The following PRIM2 variants were observed in gnomAD, a reference collection of about 807,000 sequenced individuals.
PRIM2 encodes DNA primase subunit 2.
In PRIM2, 39 loss-of-function variants were observed where a neutral mutation model predicts 67.3. That is an observed-to-expected ratio of 0.58 (90% confidence interval 0.45 to 0.76). The LOEUF (loss-of-function observed/expected upper bound fraction) is 0.76, where lower values mean the gene tolerates loss of function less well. Ranked by LOEUF, PRIM2 falls within the 30% of genes least tolerant of loss-of-function variation. The probability of loss-of-function intolerance (pLI) is 0.00; values close to 1 mark genes in which losing one functional copy is unlikely to be tolerated. For synonymous variants in PRIM2, 143 were observed against 198.7 expected (o/e 0.72, Z 2.36); for missense variants, 398 against 598.7 (o/e 0.66, Z 3.50).
chr6:57,613,753 T>C (rs1176063380), intron 12 of PRIM2, among the ~76,000 whole-genome samples: 1 of 152,192 alleles, frequency 6.6e-6, no homozygotes, highest in Non-Finnish European at 1.5e-5. Context: ...GCACATGCAG[T>C]GGCTTGTGTT....
chr6:57,551,451 A>G (rs1242725873), intron 10 of PRIM2, among the ~76,000 whole-genome samples: 1 of 152,224 alleles, frequency 6.6e-6, no homozygotes, highest in South Asian at 2.1e-4. Context: ...AATGGTAAGG[A>G]TGATATTGAT....
At chr6:57,354,363 A>C (rs1167641177) in intron 5 of PRIM2, among the ~76,000 whole-genome samples, 1 of 152,238 alleles carries the variant, frequency 6.6e-6, no homozygotes, top group Non-Finnish European at 1.5e-5. Context: ...AATTTGCTCC[A>C]AATGACAGAA....
intron 7 of PRIM2, among the ~76,000 whole-genome samples, chr6:57,437,173 G>C (rs1024352239): frequency 6.6e-6 from 1 of 152,154 alleles, no homozygotes; most frequent in Non-Finnish European, 1.5e-5. Context: ...TAAACAACTA[G>C]ATCTCAAGAA....
chr6:57,455,793 G>A (rs1581922767), intron 7 of PRIM2, among the ~76,000 whole-genome samples: 1 of 152,204 alleles, frequency 6.6e-6, no homozygotes, highest in African/African-American at 2.4e-5. Context: ...TACATTTAAA[G>A]TTAATATTGT....
intron 8 of PRIM2, among the ~76,000 whole-genome samples, chr6:57,509,339 C>T (rs1554347499): frequency 1.1e-4 from 17 of 148,478 alleles, no homozygotes; most frequent in African/African-American, 4.0e-4. Context: ...TCTGTGTTTG[C>T]GAGTTAAGAA....
chr6:57,483,698 T>C (rs1172620749), intron 7 of PRIM2, among the ~76,000 whole-genome samples: 4 of 152,110 alleles, frequency 2.6e-5, no homozygotes, highest in Non-Finnish European at 4.4e-5. Context: ...AGGAAGAGAA[T>C]GGGAACAGTG....
rs1173230725 is a variant in PRIM2 at position 57,468,831 on chromosome 6, G to A, written c.694-38556G>A. On this transcript the variant is annotated intron_variant, in intron 7 of 13. Coordinates refer to ENST00000615550, the MANE Select transcript of PRIM2 (RefSeq NM_000947.5). Reference sequence around the variant, plus strand: ...ATAATCATGGGTTTCCTTTTAGGAGGGGATTTATAGAACCATTTCTTCATG... The same window carrying A: ...ATAATCATGGGTTTCCTTTTAGGAGAGGATTTATAGAACCATTTCTTCATG... Among the ~76,000 whole-genome samples the A allele has an allele frequency of 2.9e-3, 435 of 152,354 alleles. 1 individual carries two copies. The highest frequency in any genetic ancestry group is 4.4e-3 in the Non-Finnish European group (302 of 68,040).
chr6:57,330,652 G>C (rs953958198), intron 5 of PRIM2, among the ~76,000 whole-genome samples: 2 of 152,058 alleles, frequency 1.3e-5, no homozygotes, highest in African/African-American at 4.8e-5. Context: ...AGAATCTCCA[G>C]TACAGTGTTG....
intron 8 of PRIM2, among the ~76,000 whole-genome samples, chr6:57,523,910 G>A (rs1774684036): frequency 6.6e-6 from 1 of 152,106 alleles, no homozygotes; most frequent in Non-Finnish European, 1.5e-5. Context: ...ACAAAGTCCA[G>A]GAGTAGGTCT....
chr6:57,516,384 A>G (rs1399262404), intron 8 of PRIM2, among the ~76,000 whole-genome samples: 2 of 152,122 alleles, frequency 1.3e-5, no homozygotes, highest in Non-Finnish European at 2.9e-5. Flanking sequence ...CTTTTCATCA[A>G]TTTTACATGT....
At chr6:57,628,265 T>A (rs1776987632) in intron 12 of PRIM2, among the ~76,000 whole-genome samples, 2 of 152,166 alleles carry the variant, frequency 1.3e-5, no homozygotes, top group African/African-American at 4.8e-5. Flanking sequence ...TCCACCTCTA[T>A]GTAGTATGTG....
chr6:57,452,594 G>A (rs1376868417), intron 7 of PRIM2, among the ~76,000 whole-genome samples: 5 of 152,202 alleles, frequency 3.3e-5, no homozygotes, highest in Admixed American at 6.5e-5. Flanking sequence ...TTTGAGAAGT[G>A]TCTGTTTATA....
At chr6:57,610,268 A>G (rs1391164263) in intron 12 of PRIM2, among the ~76,000 whole-genome samples, 1 of 152,182 alleles carries the variant, frequency 6.6e-6, no homozygotes, top group Non-Finnish European at 1.5e-5. Flanking sequence ...GGGTTTCACC[A>G]TGTTGGCCAG....
intron 7 of PRIM2, among the ~76,000 whole-genome samples, chr6:57,451,762 G>T (rs1772558955): frequency 6.6e-6 from 1 of 150,938 alleles, no homozygotes; most frequent in South Asian, 2.1e-4. Flanking sequence ...CTACATACTG[G>T]CTTGTTCATT....
In PRIM2 at chr6:57,471,516, G is replaced by A. The variant is rs1206182020; in HGVS notation, c.694-35871G>A. 1.3e-3 allele frequency among the ~76,000 whole-genome samples: 195 copies of A among 152,290 alleles called. 5 individuals are homozygous for A. In the East Asian group the frequency reaches 0.016, roughly 13 times the overall value. ...GGGTGAGGAAAGGAAGGTTAGAAAG[G>A]TGGTGAGGAAGGAAGAAAGAAATGG... On this transcript the variant is annotated intron_variant, in intron 7 of 13. Coordinates refer to ENST00000615550, the MANE Select transcript of PRIM2 (RefSeq NM_000947.5).
At chr6:57,594,941 G>A (rs1776340072) in intron 10 of PRIM2, among the ~76,000 whole-genome samples, 1 of 152,176 alleles carries the variant, frequency 6.6e-6, no homozygotes, top group Admixed American at 6.5e-5. Context: ...AAGGCAATCA[G>A]CATTTTTAAA....
At chr6:57,266,497 A>G in the PRIM2 span, among the ~76,000 whole-genome samples, 42 of 152,348 alleles carry the variant, frequency 2.8e-4, no homozygotes, top group Non-Finnish European at 5.0e-4. Flanking sequence ...TATAGGGCTG[A>G]CCAAAGTGAC....
intron 7 of PRIM2, among the ~76,000 whole-genome samples, chr6:57,401,809 G>A (rs1770717859): frequency 6.6e-6 from 1 of 152,174 alleles, no homozygotes; most frequent in Non-Finnish European, 1.5e-5. Flanking sequence ...TGAGCACTGG[G>A]GGTGGGTAGG....
chr6:57,229,732 C>T, the PRIM2 span, among the ~76,000 whole-genome samples: 3 of 152,276 alleles, frequency 2.0e-5, no homozygotes, highest in South Asian at 2.1e-4. Flanking sequence ...CCTCGTGATC[C>T]GTGCACCTTG....
Sources: gnomAD v4.1 joint callset for allele counts (sites outside exome capture counted in the v4.1 genomes callset) on GRCh38, gnomAD v4.1.1 for gene constraint, MANE v1.5 for transcripts, NCBI Gene and HGNC (gene_info 2026-07-23, HGNC 2026-07-21) for gene names.